Variants in ARHGAP1 observed in about 807,000 individuals in gnomAD.
The protein encoded by ARHGAP1 is Rho GTPase activating protein 1, also known as rho GTPase-activating protein 1.
In ARHGAP1, 23 loss-of-function variants were observed where a neutral mutation model predicts 52.2. The ratio of observed to expected loss-of-function variants is 0.44; its 90% confidence interval spans 0.32 to 0.62. The LOEUF is 0.62. Among genes scored for constraint, ARHGAP1 ranks in the 20% least tolerant of loss-of-function variants. ARHGAP1 has a pLI of 0.05. For synonymous variants in ARHGAP1, 210 were observed against 228.4 expected (o/e 0.92, Z 0.73); for missense variants, 480 against 560.9 (o/e 0.86, Z 1.46).
chr11:46,679,685 G>A lies in ARHGAP1; in HGVS notation c.990C>T (p.Leu330=), dbSNP rs758274604. The A allele has an allele frequency of 3.1e-6, 5 of 1,614,148 alleles. No individual in the cohort carries two copies. Among genetic ancestry groups the A allele is most frequent in the Non-Finnish European group, 4.2e-6 (5 of 1,180,004 alleles). Residue 330 remains leucine, a synonymous_variant, in exon 11 of 13, where the codon CTC becomes CTT. Coordinates refer to ENST00000311956, the MANE Select transcript of ARHGAP1 (RefSeq NM_004308.5). The surrounding 1 kb of genome is among the most constrained non-coding windows in gnomAD (Gnocchi z 4.4). ...TFLRELPEPL[L]TFDLYPHVVG... is the part of the protein sequence containing the mutation. ...CCACATGGGGGTAGAGGTCAAAGGT[G>A]AGCAGGGGCTCAGGAAGCTCCCGGA...
At chr11:46,688,410 C>T in intron 3 of ARHGAP1, 150 bp from the exon 4 acceptor site, 1 of 722,926 alleles carries the variant, frequency 1.4e-6, no homozygotes, top group Non-Finnish European at 2.3e-6. Flanking sequence ...CAGCCTCCTG[C>T]ATGCAAGGGT....
Position 46,680,367 on chromosome 11 carries a change from C to A in ARHGAP1, c.821-85G>T, listed in dbSNP as rs1297777725. 2.5e-6 allele frequency: 4 copies of A among 1,583,782 alleles called. No individual in the cohort carries two copies. Among genetic ancestry groups the A allele is most frequent in the Non-Finnish European group, 3.5e-6 (4 of 1,153,886 alleles). On this transcript the variant is annotated intron_variant, in intron 9 of 12. Coordinates refer to ENST00000311956, the MANE Select transcript of ARHGAP1 (RefSeq NM_004308.5). This position sits in a 1 kb window ranked among gnomAD's most constrained non-coding sequence, Gnocchi z 5.9. ...CCCTTCTCTGTCTTGGGGTTCTAGG[C>A]AGGGCTGGGTGGGGACGTTGAGGCT...
chr11:46,696,528 G>T lies in ARHGAP1; in HGVS notation c.-49-372C>A, dbSNP rs1413036009. 6.6e-6 allele frequency among the ~76,000 whole-genome samples: 1 copy of T among 152,168 alleles called. No individual in the cohort carries two copies. Among genetic ancestry groups the T allele is most frequent in the Non-Finnish European group, 1.5e-5 (1 of 68,026 alleles). ...CCTCGCCTCAGGAGACCTGGACACA[G>T]AAGCCTCCCAGGCTCTAGCAGTTAC... On this transcript the variant is annotated intron_variant, in intron 1 of 12. Coordinates refer to ENST00000311956, the MANE Select transcript of ARHGAP1 (RefSeq NM_004308.5). The surrounding 1 kb of genome is among the most constrained non-coding windows in gnomAD (Gnocchi z 4.8).
At position 46,680,516 on chromosome 11, in the gene ARHGAP1, C is replaced by G. The variant is rs752068017; in HGVS notation, c.791G>C (p.Arg264Thr). 6 of 1,614,094 alleles carry G rather than the reference C, an allele frequency of 3.7e-6. No homozygotes were observed. In the South Asian group the frequency reaches 6.6e-5, roughly 18 times the overall value. Reference sequence around the variant, plus strand: ...GGCCTGTAAGTAGGCAACAGTCTCCCTGAGTACAATGGGAATGGGCTCCTG... The same window carrying G: ...GGCCTGTAAGTAGGCAACAGTCTCCGTGAGTACAATGGGAATGGGCTCCTG... ...PEQEPIPIVLRETVAYLQAHA... is the reference protein window; with the variant it reads ...PEQEPIPIVLTETVAYLQAHA... Residue 264 changes from arginine (R) to threonine (T), a missense_variant, in exon 9 of 13, where the codon AGG becomes ACG. By Grantham distance (71) the Arg-to-Thr change is moderately conservative. Coordinates refer to ENST00000311956, the MANE Select transcript of ARHGAP1 (RefSeq NM_004308.5). This position sits in a 1 kb window ranked among gnomAD's most constrained non-coding sequence, Gnocchi z 5.9.
chr11:46,680,419 G>A lies in ARHGAP1; in HGVS notation c.820+68C>T, dbSNP rs530673495. 161 of 1,597,324 alleles carry A rather than the reference G, an allele frequency of 1.0e-4. No homozygotes were observed. Among genetic ancestry groups the A allele is most frequent in the Non-Finnish European group, 1.3e-4 (152 of 1,165,400 alleles). On this transcript the variant is annotated intron_variant, in intron 9 of 12. Coordinates refer to ENST00000311956, the MANE Select transcript of ARHGAP1 (RefSeq NM_004308.5). This position sits in a 1 kb window ranked among gnomAD's most constrained non-coding sequence, Gnocchi z 5.9. ...GCAGGACCTCCCTCTGCCCTGCCCA[G>A]CAGCTTCCCCAGCTTCCTGAAGGGA... is the stretch of plus-strand genomic sequence containing the variant.
rs749459151 is a variant in ARHGAP1 at position 46,681,387 on chromosome 11, GAC to G, written c.450-10_450-9del. The G allele has an allele frequency of 1.3e-6, 2 of 1,589,256 alleles. No homozygotes were observed. The highest frequency in any genetic ancestry group is 8.6e-7 in the Non-Finnish European group (1 of 1,157,462). ...TTGATGTTTTTCTTGTACCTGCAGA[GAC>G]AGAATGGACAACTCAGGAGCAGGCG... On this transcript the variant is annotated splice_polypyrimidine_tract_variant and intron_variant, in intron 5 of 12. Coordinates refer to ENST00000311956, the MANE Select transcript of ARHGAP1 (RefSeq NM_004308.5). This position sits in a 1 kb window ranked among gnomAD's most constrained non-coding sequence, Gnocchi z 5.7.
chr11:46,692,525 T>C (rs1179201273), intron 3 of ARHGAP1, among the ~76,000 whole-genome samples: 1 of 152,062 alleles, frequency 6.6e-6, no homozygotes, highest in Non-Finnish European at 1.5e-5. Flanking sequence ...AGGTAGCAAC[T>C]GGTTAGGGAA....
At chr11:46,690,250 G>T (rs922981651) in intron 3 of ARHGAP1, among the ~76,000 whole-genome samples, 1 of 151,988 alleles carries the variant, frequency 6.6e-6, no homozygotes, top group Non-Finnish European at 1.5e-5. Flanking sequence ...AGCCAGGTGT[G>T]GTGGCGGGCA....
At chr11:46,695,800 C>A (rs2064648166) in intron 2 of ARHGAP1, 45 bp from the exon 3 acceptor site, 1 of 1,553,264 alleles carries the variant, frequency 6.4e-7, no homozygotes, top group South Asian at 1.2e-5. Context: ...GGGGCTGGCA[C>A]CATGCTCTGC....
rs994326966 is a variant in ARHGAP1, at chr11:46,677,405, G to A, written c.*1632C>T. On this transcript the variant is annotated 3_prime_UTR_variant, in exon 13 of 13. Coordinates refer to ENST00000311956, the MANE Select transcript of ARHGAP1 (RefSeq NM_004308.5). ...GCTGGATGCACTGCTGATGGTCTTG[G>A]GAGAGCCCAGCGAAGTTATGCCCAG... The A allele has an allele frequency of 4.6e-5, 7 of 152,956 alleles. No individual in the cohort carries two copies. Among genetic ancestry groups the A allele is most frequent in the African/African-American group, 1.4e-4 (6 of 41,570 alleles). The allele number at this position is 152,956 out of a possible 1,614,324, so 9.5% of individuals were successfully genotyped here. A position where few individuals can be genotyped will look rare whatever the true frequency, so the allele number is the denominator to read the frequency against.
intron 4 of ARHGAP1, among the ~76,000 whole-genome samples, chr11:46,683,729 C>T (rs2064546566): frequency 6.6e-6 from 1 of 151,902 alleles, no homozygotes; most frequent in Non-Finnish European, 1.5e-5. Context: ...AAACCTCTGC[C>T]TCCCAGATTC....
At chr11:46,694,004 A>G (rs2064633561) in intron 3 of ARHGAP1, among the ~76,000 whole-genome samples, 1 of 152,144 alleles carries the variant, frequency 6.6e-6, no homozygotes, top group African/African-American at 2.4e-5. Flanking sequence ...GGGAGAGCTG[A>G]GGCTATAACC....
chr11:46,695,244 A>G, intron 3 of ARHGAP1: 1 of 351,314 alleles, frequency 2.8e-6, no homozygotes. Context: ...GGCTCTGCCC[A>G]TTCCAGACTT....
chr11:46,695,754 A>C lies in ARHGAP1; in HGVS notation c.135T>G (p.Asp45Glu). 6.4e-7 allele frequency: 1 copy of C among 1,552,584 alleles called. No homozygotes were observed. The highest frequency in any genetic ancestry group is 8.7e-7 in the Non-Finnish European group (1 of 1,147,362). Residue 45 changes from aspartate to glutamate, a missense_variant and splice_region_variant, in exon 3 of 13, where the codon GAT becomes GAG. Coordinates refer to ENST00000311956, the MANE Select transcript of ARHGAP1 (RefSeq NM_004308.5). ...GTTCCGGGGAGCTGCTTTTGGAGTC[A>C]TCTGAGGAACACAGCAGGGTCAGGG... The part of the protein sequence containing the change: ...SDEMPDFPKS[D>E]DSKSSSPELV...
At chr11:46,695,940 C>T (rs371087772) in intron 2 of ARHGAP1, 35 bp downstream of exon 2, 53 of 1,613,688 alleles carry the variant, frequency 3.3e-5, no homozygotes, top group Middle Eastern at 3.3e-4. Context: ...CCCTCTAAAG[C>T]GCCTGTAGCT....
At chr11:46,688,075 C>T in intron 4 of ARHGAP1, 98 bp downstream of exon 4, 1 of 1,235,774 alleles carries the variant, frequency 8.1e-7, no homozygotes, top group South Asian at 1.4e-5. Context: ...GGCAGGTGGC[C>T]TAGCACCCAC....
At chr11:46,686,200 G>A (rs1346494404) in intron 4 of ARHGAP1, among the ~76,000 whole-genome samples, 1 of 151,134 alleles carries the variant, frequency 6.6e-6, no homozygotes, top group Non-Finnish European at 1.5e-5. Flanking sequence ...TGGTCAGGCT[G>A]GTCTCGAACT....
Position 46,681,899 on chromosome 11 carries a change from G to T in ARHGAP1, c.449+152C>A. ...ACTGGGCCTTACTTAAGCCCAGGGT[G>T]ATCTGACTGCAGATTCTTTACATTG... On this transcript the variant is annotated intron_variant, in intron 5 of 12. Coordinates refer to ENST00000311956, the MANE Select transcript of ARHGAP1 (RefSeq NM_004308.5). This position sits in a 1 kb window ranked among gnomAD's most constrained non-coding sequence, Gnocchi z 5.7. 1 of 1,094,670 alleles carries T rather than the reference G, an allele frequency of 9.1e-7. No homozygotes were observed. The highest frequency in any genetic ancestry group is 1.3e-6 in the Non-Finnish European group (1 of 775,758). 67.8% of individuals were successfully genotyped at this position (1,094,670 alleles called of 1,614,324 possible). A position where few individuals can be genotyped will look rare whatever the true frequency, so the allele number is the denominator to read the frequency against.
chr11:46,695,917 A>C, intron 2 of ARHGAP1, 58 bp downstream of exon 2: 1 of 1,612,352 alleles, frequency 6.2e-7, no homozygotes, highest in Non-Finnish European at 8.5e-7. Flanking sequence ...CCTTCAGCAG[A>C]AGGAGTGCTT....
Sources: allele counts gnomAD v4.1 joint callset (sites outside exome capture counted in the v4.1 genomes callset), GRCh38; gene constraint gnomAD v4.1.1; non-coding constraint Gnocchi (gnomAD v3.1); transcripts MANE v1.5; gene names NCBI Gene and HGNC (gene_info 2026-07-23, HGNC 2026-07-21).